Variants in ZNF620 observed in about 807,000 individuals in gnomAD.
The protein encoded by ZNF620 is zinc finger protein 620.
ZNF620 carries 10 observed loss-of-function variants against 13.3 expected under a neutral mutation model. The observed-to-expected ratio is 0.75, with a 90% CI of 0.46 to 1.28. The LOEUF (loss-of-function observed/expected upper bound fraction) is 1.28, where lower values mean the gene tolerates loss of function less well. Ranked by LOEUF, ZNF620 falls within the 50% of genes most tolerant of loss-of-function variation. The probability of loss-of-function intolerance (pLI) is 0.00; values close to 1 mark genes in which losing one functional copy is unlikely to be tolerated. For synonymous variants in ZNF620, 166 were observed against 177.6 expected, an observed-to-expected ratio of 0.93 and a Z score of 0.52; for missense variants, 461 against 500.2, an observed-to-expected ratio of 0.92 and a Z score of 0.75.
chr3:40,512,187 G>T (rs887078527), intron 3 of ZNF620, among the ~76,000 whole-genome samples: 10 of 152,216 alleles, frequency 6.6e-5, no homozygotes, highest in African/African-American at 2.4e-4. Flanking sequence ...GTTCTCTGAA[G>T]AAAACTTGAG....
Position 40,516,163 on chromosome 3 carries a change from C to A in ZNF620, c.569C>A (p.Pro190His). 6.2e-7 allele frequency: 1 copy of A among 1,614,020 alleles called. No homozygotes were observed. The highest frequency in any genetic ancestry group is 8.5e-7 in the Non-Finnish European group (1 of 1,180,018). ...CAACTCACTACAAATCAGACAAATC[C>A]TAGTGGTCAGATATCTTATGAATGT... ...STQLTTNQTN[P>H]SGQISYECGQ... The change falls in exon 5 of 5, where the codon CCT (proline) becomes CAT (histidine). Residue 190 changes from proline (P) to histidine (H), a missense_variant. Pro to His is a moderately conservative substitution (Grantham distance 77, BLOSUM62 -2). Coordinates refer to ENST00000314529, the MANE Select transcript of ZNF620 (RefSeq NM_175888.4).
chr3:40,511,614 GT>G lies in ZNF620; in HGVS notation c.151+23del. Reference sequence around the variant, plus strand: ...TTCCCTGGGTAAGACATTTCTTCTTGTTTTTGGCCTCTGCCCTTTAAGCATC... The same window carrying G: ...TTCCCTGGGTAAGACATTTCTTCTTGTTTTGGCCTCTGCCCTTTAAGCATC... On this transcript the variant is annotated intron_variant, in intron 3 of 4. Transcript: ENST00000314529. 1.9e-6 allele frequency: 3 copies of G among 1,610,290 alleles called. No individual in the cohort carries two copies. Among genetic ancestry groups the G allele is most frequent in the Admixed American group, 1.7e-5 (1 of 59,244 alleles).
intron 2 of ZNF620, among the ~76,000 whole-genome samples, chr3:40,507,506 GAATTT>G (rs1392388520): frequency 6.6e-6 from 1 of 152,120 alleles, no homozygotes; most frequent in Non-Finnish European, 1.5e-5. Flanking sequence ...ACTATATATT[GAATTT>G]AATTTGTTAA....
At chr3:40,514,055 T>C (rs540643882) in intron 4 of ZNF620, among the ~76,000 whole-genome samples, 99 of 152,088 alleles carry the variant, frequency 6.5e-4, no homozygotes, top group Middle Eastern at 6.8e-3. Flanking sequence ...AGTCTCCCTT[T>C]CCCCGGGGGA....
Position 40,516,494 on chromosome 3 carries a change from G to T in ZNF620, c.900G>T (p.Arg300Ser). ...SSSSVFLQHQ[R>S]FHTGEKLYEC... ...GCTCTGTCTTCCTCCAGCACCAGAG[G>T]TTCCACACTGGGGAGAAGCTCTATG... is the stretch of plus-strand genomic sequence containing the variant. Residue 300 changes from arginine to serine, a missense_variant, in exon 5 of 5, where the codon AGG (arginine) becomes AGT (serine). By Grantham distance (110) the Arg-to-Ser change is moderately radical. Transcript: ENST00000314529. The T allele has an allele frequency of 6.2e-7, 1 of 1,614,100 alleles. No homozygotes were observed. The highest frequency in any genetic ancestry group is 1.1e-5 in the South Asian group (1 of 91,084).
intron 2 of ZNF620, among the ~76,000 whole-genome samples, chr3:40,507,089 GTTTTTTTT>G (rs370195603): frequency 2.0e-4 from 20 of 98,146 alleles, no homozygotes; most frequent in Non-Finnish European, 1.1e-4. Flanking sequence ...TGACCATATG[GTTTTTTTT>G]TTTTTTTTTT....
chr3:40,508,158 T>C (rs1698088376), intron 2 of ZNF620, among the ~76,000 whole-genome samples: 1 of 152,178 alleles, frequency 6.6e-6, no homozygotes. Flanking sequence ...TAGCTTCTGG[T>C]TTCATTACTT....
chr3:40,512,519 A>G lies in ZNF620; in HGVS notation c.265+4A>G. 2 of 1,589,334 alleles carry G rather than the reference A, an allele frequency of 1.3e-6. No individual in the cohort carries two copies. The highest frequency in any genetic ancestry group is 1.7e-6 in the Non-Finnish European group (2 of 1,170,136). ...GCTCTCAGAGGTATCTGTCCAGGTG[A>G]GCATGAGAACCCACTAGCTGCCTTT... On this transcript the variant is annotated splice_donor_region_variant and intron_variant, in intron 4 of 4. Transcript: ENST00000314529.
Position 40,516,071 on chromosome 3 carries a change from T to C in ZNF620, c.477T>C (p.His159=), listed in dbSNP as rs530657692. The C allele has an allele frequency of 9.9e-6, 16 of 1,614,120 alleles. No homozygotes were observed. The African/African-American group carries it at 1.7e-4, about 17-fold the overall frequency. The change falls in exon 5 of 5, where the codon CAT becomes CAC. Residue 159 remains histidine (H), a synonymous_variant. Coordinates refer to ENST00000314529, the MANE Select transcript of ZNF620 (RefSeq NM_175888.4). ...RHFTDTSARH[H]EAYEVKNGEK... is the part of the protein sequence containing the mutation. The stretch of plus-strand genomic sequence containing the variant: ...TCACAGATACCTCAGCCAGGCACCA[T>C]GAGGCCTATGAGGTCAAGAATGGAG...
chr3:40,515,012 T>C (rs1006862534), intron 4 of ZNF620, among the ~76,000 whole-genome samples: 6 of 152,230 alleles, frequency 3.9e-5, no homozygotes, highest in African/African-American at 1.4e-4. Flanking sequence ...AGATTTTACT[T>C]AGTCTGCAAA....
intron 1 of ZNF620, 52 bp downstream of exon 1, chr3:40,506,190 TG>T: frequency 1.2e-6 from 1 of 866,252 alleles, no homozygotes; most frequent in Non-Finnish European, 1.9e-6. Context: ...GCAACCCCTT[TG>T]CTTTTTGGGG....
chr3:40,515,882 G>T lies in ZNF620; in HGVS notation c.288G>T (p.Lys96Asn). 1 of 1,610,540 alleles carries T rather than the reference G, an allele frequency of 6.2e-7. No individual in the cohort carries two copies. Among genetic ancestry groups the T allele is most frequent in the East Asian group, 2.2e-5 (1 of 44,820 alleles). ...TAGGGGATGAGGCCAGAACTGAGAA[G>T]GAAGGATTAACTCCAAAGGATCATG... The part of the protein sequence containing the change: ...ICPGDEARTE[K>N]EGLTPKDHVS... Residue 96 changes from lysine to asparagine, a missense_variant, in exon 5 of 5, where the codon AAG becomes AAT. Coordinates refer to ENST00000314529, the MANE Select transcript of ZNF620 (RefSeq NM_175888.4).
intron 4 of ZNF620, 41 bp from the exon 5 acceptor site, chr3:40,515,818 GT>G (rs58487114): frequency 0.22 from 292,057 of 1,326,702 alleles, 27,974 homozygotes; most frequent in Middle Eastern, 0.27. Flanking sequence ...GTGTGTGTGT[GT>G]GATATCAGGG....
chr3:40,508,900 G>T, intron 2 of ZNF620: 1 of 416,978 alleles, frequency 2.4e-6, no homozygotes, highest in South Asian at 1.7e-5. Flanking sequence ...TTACAGGCAT[G>T]AGCCACCATG....
At chr3:40,511,729 T>G in intron 3 of ZNF620, 133 bp downstream of exon 3, 1 of 1,151,162 alleles carries the variant, frequency 8.7e-7, no homozygotes, top group South Asian at 1.6e-5. Context: ...TCGCCCAGGC[T>G]GGAGTGCAAT....
rs1559552555 is a variant in ZNF620, at chr3:40,516,336, G to A, written c.742G>A (p.Gly248Arg). ...LLIRHQIIHT[G>R]KKPFKCKECG... ...TATTCGGCATCAGATAATTCACACT[G>A]GAAAGAAACCATTTAAATGTAAAGA... Residue 248 changes from glycine to arginine, a missense_variant, in exon 5 of 5, where the codon GGA becomes AGA. Transcript: ENST00000314529. The A allele has an allele frequency of 6.2e-7, 1 of 1,614,154 alleles. No homozygotes were observed. The highest frequency in any genetic ancestry group is 1.1e-5 in the South Asian group (1 of 91,084).
At position 40,506,622 on chromosome 3, in the gene ZNF620, C is replaced by T. The variant is rs534408125; in HGVS notation, c.24+246C>T. Reference sequence around the variant, plus strand: ...AAAAATTATGAAATGTGGAAATCTGCATTATTACATCCAATAAAGACCCCT... The same window carrying T: ...AAAAATTATGAAATGTGGAAATCTGTATTATTACATCCAATAAAGACCCCT... On this transcript the variant is annotated intron_variant, in intron 2 of 4. Coordinates refer to ENST00000314529, the MANE Select transcript of ZNF620 (RefSeq NM_175888.4). Among the ~76,000 whole-genome samples the T allele has an allele frequency of 6.6e-4, 101 of 152,266 alleles. 1 individual carries two copies. The highest frequency in any genetic ancestry group is 5.9e-5 in the Non-Finnish European group (4 of 68,014).
chr3:40,511,529 G>A lies in ZNF620; in HGVS notation c.84G>A (p.Leu28=). The A allele has an allele frequency of 6.2e-7, 1 of 1,613,924 alleles. No homozygotes were observed. Among genetic ancestry groups the A allele is most frequent in the Non-Finnish European group, 8.5e-7 (1 of 1,179,896 alleles). ...VYFTQNEWAS[L]DSVQRALYRE... The stretch of plus-strand genomic sequence containing the variant: ...TCACCCAGAATGAATGGGCCAGCCT[G>A]GACTCTGTGCAGAGGGCCCTGTACA... The change falls in exon 3 of 5, where the codon CTG becomes CTA. Residue 28 remains leucine, a synonymous_variant. Coordinates refer to ENST00000314529, the MANE Select transcript of ZNF620 (RefSeq NM_175888.4).
In ZNF620 at chr3:40,516,018, A is replaced by G. The variant is rs1698368293; in HGVS notation, c.424A>G (p.Ile142Val). 6.2e-7 allele frequency: 1 copy of G among 1,614,100 alleles called. No individual in the cohort carries two copies. Among genetic ancestry groups the G allele is most frequent in the African/African-American group, 1.3e-5 (1 of 74,934 alleles). The stretch of plus-strand genomic sequence containing the variant: ...AGAGCAGCCACAAGGTCATTGGATA[A>G]TTAAGACAAAGTCAAAGAGGAGACA... The part of the protein sequence containing the change: ...SLEQPQGHWI[I>V]KTKSKRRHFT... Residue 142 changes from isoleucine to valine, a missense_variant, in exon 5 of 5, where the codon ATT becomes GTT. Ile to Val is a conservative substitution (Grantham distance 29). Coordinates refer to ENST00000314529, the MANE Select transcript of ZNF620 (RefSeq NM_175888.4).
Sources: allele counts gnomAD v4.1 joint callset (sites outside exome capture counted in the v4.1 genomes callset), GRCh38; gene constraint gnomAD v4.1.1; transcripts MANE v1.5; gene names NCBI Gene and HGNC (gene_info 2026-07-23, HGNC 2026-07-21).